PDS5B: variants seen among roughly 807,000 people sequenced by gnomAD.
PDS5B encodes the protein PDS5 cohesin associated factor B, also known as sister chromatid cohesion protein PDS5 homolog B.
PDS5B carries 51 observed loss-of-function variants against 184.1 expected under a neutral mutation model. The ratio of observed to expected loss-of-function variants is 0.28; its 90% CI spans 0.22 to 0.35. PDS5B has a LOEUF of 0.35. Ranked by LOEUF, PDS5B falls within the 10% of genes least tolerant of loss-of-function variation. The probability of loss-of-function intolerance (pLI) is 1.00; values close to 1 mark genes in which losing one functional copy is unlikely to be tolerated. For missense variants in PDS5B, 1,180 were observed against 1,723.3 expected (o/e 0.68, Z 5.58); for synonymous variants, 566 against 569.2 (o/e 0.99, Z 0.08).
At chr13:32,755,065 G>A (rs1458114103) in intron 25 of PDS5B, among the ~76,000 whole-genome samples, 3 of 152,084 alleles carry the variant, frequency 2.0e-5, no homozygotes, top group Non-Finnish European at 4.4e-5. Flanking sequence ...ACTGTTCTCT[G>A]TAGATTTAGC....
rs144595423 is a variant in PDS5B, at chr13:32,643,642, TAC to T, written c.-19-5108_-19-5107del. Among the ~76,000 whole-genome samples the T allele has an allele frequency of 6.0e-3, 914 of 152,270 alleles. 6 individuals are homozygous for T. Among genetic ancestry groups the T allele is most frequent in the African/African-American group, 0.021 (878 of 41,556 alleles). On this transcript the variant is annotated intron_variant, in intron 1 of 34. Transcript: ENST00000315596. Reference sequence around the variant, plus strand: ...TTTTCTATGTTTAGATACATTTAGATACACAGATACTTACCATTGTGTTACGG... The same window carrying T: ...TTTTCTATGTTTAGATACATTTAGATACAGATACTTACCATTGTGTTACGG...
In PDS5B at chr13:32,673,332, A is replaced by G. The variant is rs749547836; in HGVS notation, c.822A>G (p.Leu274=). 1 of 1,610,644 alleles carries G rather than the reference A, an allele frequency of 6.2e-7. No homozygotes were observed. Among genetic ancestry groups the G allele is most frequent in the South Asian group, 1.1e-5 (1 of 90,132 alleles). Residue 274 remains leucine, a synonymous_variant, in exon 8 of 35, where the codon TTA becomes TTG. Coordinates refer to ENST00000315596, the MANE Select transcript of PDS5B (RefSeq NM_015032.4). ...NIDSHLLLSV[L]PQLEFKLKSN... ...ATAGTCATTTGCTGCTCTCTGTTTT[A>G]CCCCAGCTTGAATTTAAATTAAAGG... is the stretch of plus-strand genomic sequence containing the variant.
intron 17 of PDS5B, among the ~76,000 whole-genome samples, chr13:32,706,069 G>A (rs1245016664): frequency 6.6e-6 from 1 of 151,980 alleles, no homozygotes; most frequent in Non-Finnish European, 1.5e-5. Context: ...CTTCAGGTCA[G>A]GAGTTTGAGA....
chr13:32,765,133 ATTTG>A (rs892652988), intron 31 of PDS5B, among the ~76,000 whole-genome samples: 8 of 152,184 alleles, frequency 5.3e-5, no homozygotes, highest in African/African-American at 1.9e-4. Flanking sequence ...TTTAAGACAA[ATTTG>A]TTAAGTTTTA....
intron 34 of PDS5B, 27 bp downstream of exon 34, chr13:32,773,351 G>T (rs1954854559): frequency 6.3e-7 from 1 of 1,581,286 alleles, no homozygotes; most frequent in Non-Finnish European, 8.6e-7. Flanking sequence ...TCTGTGAGTG[G>T]TGTGGGATAT....
intron 15 of PDS5B, 32 bp downstream of exon 15, chr13:32,696,934 A>C (rs200527849): frequency 8.1e-7 from 1 of 1,233,674 alleles, no homozygotes. Flanking sequence ...ATAAAAATGT[A>C]ATTTTTATTG....
intron 1 of PDS5B, among the ~76,000 whole-genome samples, chr13:32,602,805 G>C (rs975086031): frequency 6.6e-6 from 1 of 152,122 alleles, no homozygotes; most frequent in Non-Finnish European, 1.5e-5. Flanking sequence ...GGTGTGACAT[G>C]GTATTTCATT....
chr13:32,725,953 A>G (rs887819335), intron 19 of PDS5B, among the ~76,000 whole-genome samples: 2 of 152,142 alleles, frequency 1.3e-5, no homozygotes, highest in African/African-American at 4.8e-5. Flanking sequence ...TTGGGTGGTT[A>G]TGCTAGCACA....
chr13:32,652,084 AT>A, intron 3 of PDS5B, 77 bp downstream of exon 3: 1 of 930,390 alleles, frequency 1.1e-6, no homozygotes, highest in Non-Finnish European at 1.8e-6. Context: ...GAGTTAAGGT[AT>A]TTAGATGATT....
At chr13:32,748,796 G>T (rs1248369303) in intron 24 of PDS5B, among the ~76,000 whole-genome samples, 4 of 151,940 alleles carry the variant, frequency 2.6e-5, no homozygotes, top group Non-Finnish European at 5.9e-5. Flanking sequence ...AAATCTGAAT[G>T]GCATTTCTTA....
At chr13:32,742,751 T>C (rs762377455) in intron 23 of PDS5B, 24 bp downstream of exon 23, 5 of 1,600,384 alleles carry the variant, frequency 3.1e-6, no homozygotes, top group Non-Finnish European at 4.3e-6. Flanking sequence ...ATTTCACAGT[T>C]CTTTGGATTG....
intron 20 of PDS5B, among the ~76,000 whole-genome samples, chr13:32,734,379 C>T (rs1250900897): frequency 6.6e-6 from 1 of 152,074 alleles, no homozygotes; most frequent in Non-Finnish European, 1.5e-5. Flanking sequence ...ATTTGAAGAG[C>T]TTGTTCATTC....
intron 19 of PDS5B, among the ~76,000 whole-genome samples, chr13:32,728,099 CTATTG>C (rs1306287003): frequency 6.6e-6 from 1 of 151,150 alleles, no homozygotes; most frequent in African/African-American, 2.4e-5. Context: ...TTTTCCATTT[CTATTG>C]TATTTCTTAT....
chr13:32,759,720 T>C (rs1339364476), intron 29 of PDS5B, 30 bp downstream of exon 29: 1 of 1,228,644 alleles, frequency 8.1e-7, no homozygotes, highest in East Asian at 2.4e-5. Flanking sequence ...TTAATTTTTA[T>C]GTGGTAGCTT....
Position 32,775,367 on chromosome 13 carries a change from T to C in PDS5B, c.*315T>C. The C allele has an allele frequency of 2.8e-6, 1 of 351,954 alleles. No homozygotes were observed. The highest frequency in any genetic ancestry group is 5.3e-6 in the Non-Finnish European group (1 of 190,042). The allele number at this position is 351,954 out of a possible 1,614,324, so 21.8% of individuals were successfully genotyped here. A position where few individuals can be genotyped will look rare whatever the true frequency, so the allele number is the denominator to read the frequency against. On this transcript the variant is annotated 3_prime_UTR_variant, in exon 35 of 35. Transcript: ENST00000315596. Reference sequence around the variant, plus strand: ...CTGAAGTGCTTGTATAGCTTTTATCTGCGGCTTTAAACTGACAGTACCCGA... The same window carrying C: ...CTGAAGTGCTTGTATAGCTTTTATCCGCGGCTTTAAACTGACAGTACCCGA...
chr13:32,647,211 T>G (rs1169029573), intron 1 of PDS5B, among the ~76,000 whole-genome samples: 1 of 152,190 alleles, frequency 6.6e-6, no homozygotes, highest in East Asian at 1.9e-4. Context: ...AGGCTACATT[T>G]AGGCCTTTCT....
rs763077299 is a variant in PDS5B at position 32,707,000 on chromosome 13, A to C, written c.1923A>C (p.Pro641=). The C allele has an allele frequency of 1.2e-6, 2 of 1,611,044 alleles. No individual in the cohort carries two copies. Among genetic ancestry groups the C allele is most frequent in the Non-Finnish European group, 1.7e-6 (2 of 1,178,574 alleles). ...CAGATGATGAAGATGAGGGTGTTCC[A>C]ACTGATCAAGCCATCAGAGCAGGTC... The part of the protein sequence containing the change: ...GTADDEDEGV[P]TDQAIRAGLE... Residue 641 remains proline (P), a synonymous_variant, in exon 18 of 35, where the codon CCA becomes CCC. Coordinates refer to ENST00000315596, the MANE Select transcript of PDS5B (RefSeq NM_015032.4).
intron 29 of PDS5B, among the ~76,000 whole-genome samples, chr13:32,760,212 C>T (rs1349853394): frequency 5.3e-5 from 8 of 152,312 alleles, no homozygotes; most frequent in Non-Finnish European, 7.3e-5. Context: ...GCCTTGGCCT[C>T]CCAAAGTGCT....
intron 1 of PDS5B, among the ~76,000 whole-genome samples, chr13:32,631,575 AGAAT>A (rs1269171388): frequency 2.0e-5 from 3 of 152,214 alleles, no homozygotes; most frequent in Non-Finnish European, 4.4e-5. Flanking sequence ...TGTTGTTGAA[AGAAT>A]GAATGATCTG....
Sources: allele counts gnomAD v4.1 joint callset (sites outside exome capture counted in the v4.1 genomes callset), GRCh38; gene constraint gnomAD v4.1.1; transcripts MANE v1.5; gene names NCBI Gene and HGNC (gene_info 2026-07-23, HGNC 2026-07-21).